The following PTPRN2 variants were observed in gnomAD, a reference collection of about 807,000 sequenced individuals.
The protein encoded by PTPRN2 is protein tyrosine phosphatase receptor type N2.
In PTPRN2, 74 loss-of-function variants were observed where a neutral mutation model predicts 118.8. The observed-to-expected ratio is 0.62, with a 90% CI of 0.52 to 0.76. PTPRN2 has a LOEUF of 0.76. PTPRN2 is among the 30% of genes least tolerant of loss of function. The pLI, the probability that PTPRN2 is intolerant of heterozygous loss-of-function variation, is 0.00. For missense variants in PTPRN2, 1,481 were observed against 1,394.4 expected (o/e 1.06, Z -0.99); for synonymous variants, 641 against 608.0 (o/e 1.05, Z -0.80).
chr7:157,779,034 C>G lies in PTPRN2; in HGVS notation c.1789-96097G>C, dbSNP rs192171471. Among the ~76,000 whole-genome samples, 1 of 152,250 alleles carries G rather than the reference C, an allele frequency of 6.6e-6. No individual in the cohort carries two copies. Among genetic ancestry groups the G allele is most frequent in the Non-Finnish European group, 1.5e-5 (1 of 68,034 alleles). On this transcript the variant is annotated intron_variant, in intron 12 of 22. Transcript: ENST00000389418. The surrounding 1 kb of genome is among the most constrained non-coding windows in gnomAD (Gnocchi z 4.7). ...AGAGCTCCGCTCACAGCCAGGTGGC[C>G]GTGTTCTCTGAGGGGTTGTGCCGGG...
intron 13 of PTPRN2, among the ~76,000 whole-genome samples, chr7:157,657,274 C>T (rs1795567251): frequency 1.9e-5 from 1 of 51,548 alleles, no homozygotes; most frequent in Non-Finnish European, 4.3e-5. Flanking sequence ...ACATACACCA[C>T]ACACACACCA....
intron 19 of PTPRN2, among the ~76,000 whole-genome samples, chr7:157,572,773 C>T (rs1484711722): frequency 7.2e-5 from 11 of 152,370 alleles, no homozygotes; most frequent in East Asian, 1.9e-4. Context: ...CTAGCCAGGA[C>T]GCACTTGATC....
chr7:157,991,242 T>C (rs1409775038), intron 11 of PTPRN2, among the ~76,000 whole-genome samples: 27 of 152,148 alleles, frequency 1.8e-4, no homozygotes, highest in Admixed American at 1.8e-3. Flanking sequence ...CGCAATCCCA[T>C]CCTCGGAGGG....
chr7:158,274,432 ATG>A, intron 3 of PTPRN2, among the ~76,000 whole-genome samples: 1 of 127,270 alleles, frequency 7.9e-6, no homozygotes. Context: ...GCAGACAGAC[ATG>A]GGAGGAGCCG....
At chr7:158,261,044 T>C (rs939400886) in intron 3 of PTPRN2, among the ~76,000 whole-genome samples, 1 of 152,096 alleles carries the variant, frequency 6.6e-6, no homozygotes, top group Non-Finnish European at 1.5e-5. Context: ...TCTGAGAAGC[T>C]GCACTGTGAT....
At chr7:158,573,575 G>C (rs1249626587) in intron 1 of PTPRN2, among the ~76,000 whole-genome samples, 1 of 152,106 alleles carries the variant, frequency 6.6e-6, no homozygotes, top group East Asian at 1.9e-4. Flanking sequence ...TCGGGTCTCT[G>C]TCCAGGAAGG....
intron 12 of PTPRN2, among the ~76,000 whole-genome samples, chr7:157,844,436 G>C (rs550392455): frequency 6.6e-6 from 1 of 152,182 alleles, no homozygotes; most frequent in Non-Finnish European, 1.5e-5. Context: ...AAGAACACTA[G>C]AGCTGAAATT....
At chr7:157,675,573 C>T (rs1227331588) in intron 13 of PTPRN2, among the ~76,000 whole-genome samples, 4 of 152,172 alleles carry the variant, frequency 2.6e-5, no homozygotes, top group African/African-American at 7.2e-5. Flanking sequence ...AAATGTGTCC[C>T]GCCTCTCTAA....
At chr7:158,328,363 T>C (rs56205111) in intron 2 of PTPRN2, among the ~76,000 whole-genome samples, 60,139 of 152,084 alleles carry the variant, frequency 0.4, 12,114 homozygotes, top group Middle Eastern at 0.46. Flanking sequence ...TAGTTCGTAA[T>C]GAAACCTGAA....
chr7:158,334,115 C>T (rs1207643602), intron 2 of PTPRN2, among the ~76,000 whole-genome samples: 3 of 50,644 alleles, frequency 5.9e-5, no homozygotes, highest in Non-Finnish European at 8.4e-5. Flanking sequence ...GCAGACGTCA[C>T]TCACACCCAC....
intron 11 of PTPRN2, among the ~76,000 whole-genome samples, chr7:157,959,560 G>A (rs1801391395): frequency 6.6e-6 from 1 of 152,198 alleles, no homozygotes; most frequent in Admixed American, 6.5e-5. Flanking sequence ...AAGACGACGT[G>A]CAGATGGAGA....
At chr7:157,581,264 C>T (rs541922668) in intron 17 of PTPRN2, among the ~76,000 whole-genome samples, 24 of 152,380 alleles carry the variant, frequency 1.6e-4, no homozygotes, top group African/African-American at 5.5e-4. Flanking sequence ...CGAGTGTGAA[C>T]GGCTGGCACC....
rs1796573905 is a variant in PTPRN2, at chr7:157,674,601, TTTCACCACAGATAATGCC to T, written c.2001+8106_2001+8123del. ...TTGCCATTTTTGACAGGCTAATGCATTTCACCACAGATAATGCCATTCACCACAGAGGCGCATTCTCTC... is the reference window on the plus strand; with the variant it reads ...TTGCCATTTTTGACAGGCTAATGCATATTCACCACAGAGGCGCATTCTCTC... On this transcript the variant is annotated intron_variant, in intron 13 of 22. Transcript: ENST00000389418. This position sits in a 1 kb window ranked among gnomAD's most constrained non-coding sequence, Gnocchi z 4.5. Among the ~76,000 whole-genome samples the T allele has an allele frequency of 2.0e-5, 3 of 152,194 alleles. No homozygotes were observed. The highest frequency in any genetic ancestry group is 4.4e-5 in the Non-Finnish European group (3 of 68,028).
At chr7:158,339,972 CCCCA>C (rs1806340411) in intron 2 of PTPRN2, among the ~76,000 whole-genome samples, 1 of 91,494 alleles carries the variant, frequency 1.1e-5, no homozygotes, top group Non-Finnish European at 2.4e-5. Context: ...CCCACACTCT[CCCCA>C]TAAGAGCTGT....
At chr7:158,523,493 C>CGTCTGCCCTGGAGCAGA (rs1824411822) in intron 1 of PTPRN2, among the ~76,000 whole-genome samples, 2 of 84,472 alleles carry the variant, frequency 2.4e-5, no homozygotes, top group African/African-American at 4.4e-5. Context: ...GGAGTGGAGT[C>CGTCTGCCCTGGAGCAGA]GTCTGCCCTG....
intron 12 of PTPRN2, among the ~76,000 whole-genome samples, chr7:157,866,767 CCT>C (rs1336701850): frequency 1.3e-5 from 2 of 151,734 alleles, no homozygotes; most frequent in African/African-American, 4.8e-5. Context: ...CCACCCCGCC[CCT>C]GAGGCCCTGG....
chr7:158,239,526 A>T (rs1187059738), intron 3 of PTPRN2, among the ~76,000 whole-genome samples: 1 of 152,084 alleles, frequency 6.6e-6, no homozygotes, highest in Non-Finnish European at 1.5e-5. Context: ...TTTCCTCCCC[A>T]TTCTCACAGC....
rs538147165 is a variant in PTPRN2 at position 157,991,560 on chromosome 7, G to A, written c.1723+89738C>T. ...TCAGGGCCGGTTTCCCTCTGGCTGA[G>A]GGAGGGTGAGGGAGGGCGAGGGAGG... is the stretch of plus-strand genomic sequence containing the variant. On this transcript the variant is annotated intron_variant, in intron 11 of 22. Transcript: ENST00000389418. 2.4e-3 allele frequency among the ~76,000 whole-genome samples: 363 copies of A among 152,340 alleles called. 2 individuals are homozygous for A. Among genetic ancestry groups the A allele is most frequent in the Non-Finnish European group, 4.4e-3 (297 of 68,036 alleles).
chr7:157,819,182 C>T (rs1563141893), intron 12 of PTPRN2, among the ~76,000 whole-genome samples: 1 of 152,312 alleles, frequency 6.6e-6, no homozygotes, highest in East Asian at 1.9e-4. Flanking sequence ...CTTCGGAAGC[C>T]CAGGGCTCTG....
Sources: allele counts gnomAD v4.1 joint callset (sites outside exome capture counted in the v4.1 genomes callset), GRCh38; gene constraint gnomAD v4.1.1; non-coding constraint Gnocchi (gnomAD v3.1); transcripts MANE v1.5; gene names NCBI Gene and HGNC (gene_info 2026-07-23, HGNC 2026-07-21).